The following CDK5RAP2 variants were observed in gnomAD, a reference collection of about 807,000 sequenced individuals.
CDK5RAP2 encodes the protein CDK5 regulatory subunit-associated protein 2.
Under a neutral mutation model 232.9 loss-of-function variants are expected in CDK5RAP2, and 147 were observed. The ratio of observed to expected loss-of-function variants is 0.63; its 90% confidence interval spans 0.55 to 0.72. The LOEUF is 0.72. Ranked by LOEUF, CDK5RAP2 falls within the 30% of genes least tolerant of loss-of-function variation. The pLI is 0.00. For missense variants in CDK5RAP2, 2,195 were observed against 2,231.5 expected (o/e 0.98, Z 0.33); for synonymous variants, 833 against 833.7 (o/e 1.00, Z 0.01).
At chr9:120,547,909 C>T (rs529763389) in intron 4 of CDK5RAP2, among the ~76,000 whole-genome samples, 1 of 152,310 alleles carries the variant, frequency 6.6e-6, no homozygotes, top group East Asian at 1.9e-4. Context: ...ACGTGGAATA[C>T]AAAACTAGAA....
At chr9:120,572,621 T>C (rs1441101643) in intron 1 of CDK5RAP2, among the ~76,000 whole-genome samples, 1 of 152,222 alleles carries the variant, frequency 6.6e-6, no homozygotes, top group Non-Finnish European at 1.5e-5. Flanking sequence ...AGTGAGGATC[T>C]GGAGACACTG....
intron 14 of CDK5RAP2, among the ~76,000 whole-genome samples, chr9:120,479,210 G>A (rs2038178394): frequency 6.6e-6 from 1 of 152,046 alleles, no homozygotes; most frequent in Non-Finnish European, 1.5e-5. Context: ...ATATTGATAT[G>A]AATAGGAGGG....
At chr9:120,397,798 G>A (rs188631657) in intron 35 of CDK5RAP2, among the ~76,000 whole-genome samples, 2 of 152,214 alleles carry the variant, frequency 1.3e-5, no homozygotes, top group East Asian at 3.9e-4. Flanking sequence ...TACCTAGAGG[G>A]CTACAAAAAC....
chr9:120,403,951 A>T lies in CDK5RAP2; in HGVS notation c.5041+85T>A. 1.1e-6 allele frequency: 1 copy of T among 915,074 alleles called. No homozygotes were observed. Among genetic ancestry groups the T allele is most frequent in the Non-Finnish European group, 1.8e-6 (1 of 546,014 alleles). The allele number at this position is 915,074 out of a possible 1,614,324, so 56.7% of individuals were successfully genotyped here. On this transcript the variant is annotated intron_variant, in intron 33 of 37. Transcript: ENST00000349780. The surrounding 1 kb of genome is among the most constrained non-coding windows in gnomAD (Gnocchi z 4.2). ...TTACCAAATACCCTCCTGAGTTGGGACCAGGGACCCCCCTTTTCTGCAAGT... is the reference window on the plus strand; with the variant it reads ...TTACCAAATACCCTCCTGAGTTGGGTCCAGGGACCCCCCTTTTCTGCAAGT...
chr9:120,513,151 C>A (rs1406286621), intron 12 of CDK5RAP2, among the ~76,000 whole-genome samples: 2 of 152,176 alleles, frequency 1.3e-5, no homozygotes, highest in African/African-American at 2.4e-5. Flanking sequence ...ACCTGAGCAT[C>A]CCCATTACAG....
chr9:120,447,633 T>C (rs2036263335), intron 22 of CDK5RAP2, among the ~76,000 whole-genome samples: 1 of 152,166 alleles, frequency 6.6e-6, no homozygotes, highest in Non-Finnish European at 1.5e-5. Context: ...CAATCCTTAG[T>C]GAAGGCAGCA....
chr9:120,579,697 T>C (rs2043168347), intron 1 of CDK5RAP2, among the ~76,000 whole-genome samples: 1 of 152,142 alleles, frequency 6.6e-6, no homozygotes, highest in South Asian at 2.1e-4. Context: ...CTCTACAAAG[T>C]ACATGGCGCA....
chr9:120,519,405 A>T (rs2131844151), intron 11 of CDK5RAP2, among the ~76,000 whole-genome samples: 1 of 152,350 alleles, frequency 6.6e-6, no homozygotes, highest in East Asian at 1.9e-4. Flanking sequence ...TGTCAGAATC[A>T]GAATGGACTC....
At chr9:120,411,688 G>A (rs1245906874) in intron 28 of CDK5RAP2, among the ~76,000 whole-genome samples, 1 of 152,170 alleles carries the variant, frequency 6.6e-6, no homozygotes, top group Non-Finnish European at 1.5e-5. Flanking sequence ...ACCTAAGGGA[G>A]AACAAAGCAG....
intron 12 of CDK5RAP2, among the ~76,000 whole-genome samples, chr9:120,506,520 G>T (rs561945099): frequency 6.6e-6 from 1 of 152,154 alleles, no homozygotes; most frequent in South Asian, 2.1e-4. Flanking sequence ...TGATGGATCT[G>T]GGCAAAGTAA....
At chr9:120,548,639 C>T (rs72755732) in intron 4 of CDK5RAP2, among the ~76,000 whole-genome samples, 29 of 152,160 alleles carry the variant, frequency 1.9e-4, no homozygotes, top group Non-Finnish European at 3.5e-4. Context: ...AAGACCCCAT[C>T]TCTACAAAAA....
chr9:120,390,956 C>T (rs989270497), intron 36 of CDK5RAP2, among the ~76,000 whole-genome samples: 4 of 152,250 alleles, frequency 2.6e-5, no homozygotes, highest in African/African-American at 4.8e-5. Context: ...CCAAGCAAAA[C>T]GACTTTCAGA....
intron 29 of CDK5RAP2, among the ~76,000 whole-genome samples, chr9:120,409,585 CAA>C (rs2033717402): frequency 6.6e-6 from 1 of 152,224 alleles, no homozygotes; most frequent in Non-Finnish European, 1.5e-5. Flanking sequence ...CTTCACAGAG[CAA>C]ACAGTGGGTA....
intron 25 of CDK5RAP2, among the ~76,000 whole-genome samples, chr9:120,425,920 T>C (rs1441071569): frequency 3.3e-5 from 5 of 152,096 alleles, no homozygotes; most frequent in African/African-American, 1.2e-4. Flanking sequence ...CACTACACAC[T>C]GTGATAAGGG....
At position 120,437,480 on chromosome 9, in the gene CDK5RAP2, C is replaced by T. The variant is rs777532975; in HGVS notation, c.3770G>A (p.Arg1257Gln). ...GCCATGGCCATCCTTAATCTGCTGC[C>T]GTTGAAGGGAGAGCTCCCTGGCTTG... Reference protein sequence around the residue: ...QSQARELSLQRQQIKDGHGIC... With the variant: ...QSQARELSLQQQQIKDGHGIC... The change falls in exon 25 of 38, where the codon CGG becomes CAG. Residue 1257 changes from arginine (R) to glutamine (Q), a missense_variant. By Grantham distance (43) the Arg-to-Gln change is conservative (BLOSUM62 1). Transcript: ENST00000349780. The T allele has an allele frequency of 5.5e-5, 89 of 1,613,946 alleles. No individual in the cohort carries two copies. The highest frequency in any genetic ancestry group is 6.4e-5 in the Non-Finnish European group (76 of 1,179,998).
intron 12 of CDK5RAP2, among the ~76,000 whole-genome samples, chr9:120,509,948 TACACAC>T (rs145999949): frequency 6.6e-6 from 1 of 150,436 alleles, no homozygotes; most frequent in Non-Finnish European, 1.5e-5. Flanking sequence ...TCACACCTAA[TACACAC>T]ACACACACAC....
intron 25 of CDK5RAP2, among the ~76,000 whole-genome samples, chr9:120,432,486 T>C (rs551394960): frequency 6.6e-6 from 1 of 152,342 alleles, no homozygotes; most frequent in South Asian, 2.1e-4. Context: ...CTGCCTCGAA[T>C]ATAAAACTGT....
chr9:120,455,251 G>A (rs889248413), intron 20 of CDK5RAP2, among the ~76,000 whole-genome samples: 3 of 152,050 alleles, frequency 2.0e-5, no homozygotes, highest in African/African-American at 4.8e-5. Context: ...GGCAAGCCTC[G>A]AGGAGAGGAA....
At chr9:120,561,197 TA>T (rs1380878923) in intron 3 of CDK5RAP2, among the ~76,000 whole-genome samples, 1 of 152,176 alleles carries the variant, frequency 6.6e-6, no homozygotes, top group Non-Finnish European at 1.5e-5. Context: ...GAGGGGAGGA[TA>T]CTTTGGAATC....
Sources: allele counts gnomAD v4.1 joint callset (sites outside exome capture counted in the v4.1 genomes callset), GRCh38; gene constraint gnomAD v4.1.1; non-coding constraint Gnocchi (gnomAD v3.1); transcripts MANE v1.5; gene names NCBI Gene and HGNC (gene_info 2026-07-23, HGNC 2026-07-21).